Variants in UBE2E2 observed in about 807,000 individuals in gnomAD.
UBE2E2 encodes ubiquitin conjugating enzyme E2 E2.
UBE2E2 carries 6 observed loss-of-function variants against 24.7 expected under a neutral mutation model. That is an observed-to-expected ratio of 0.24 (90% confidence interval 0.13 to 0.48). The LOEUF (loss-of-function observed/expected upper bound fraction) is 0.48, where lower values mean the gene tolerates loss of function less well. Among genes scored for constraint, UBE2E2 ranks in the 20% least tolerant of loss-of-function variants. UBE2E2 has a pLI of 0.99. For synonymous variants in UBE2E2, 104 were observed against 83.6 expected (o/e 1.24, Z -1.33); for missense variants, 169 against 245.0 (o/e 0.69, Z 2.07).
Position 23,353,352 on chromosome 3 carries a change from TC to T in UBE2E2, c.227+136042del, listed in dbSNP as rs1218497389. ...AGACAGGGATGCCCTCTCTCACCAC[TC>T]CTATTCAACATAGTGTTGGAAGTTC... On this transcript the variant is annotated intron_variant, in intron 3 of 5. Transcript: ENST00000396703. 2.5e-4 allele frequency among the ~76,000 whole-genome samples: 38 copies of T among 151,960 alleles called. 1 individual carries two copies. The highest frequency in any genetic ancestry group is 8.7e-4 in the African/African-American group (36 of 41,394).
intron 3 of UBE2E2, among the ~76,000 whole-genome samples, chr3:23,441,332 G>T (rs2125408156): frequency 6.7e-6 from 1 of 148,380 alleles, no homozygotes. Flanking sequence ...AGACCGTCCT[G>T]GCTAACACAG....
intron 3 of UBE2E2, among the ~76,000 whole-genome samples, chr3:23,347,226 T>C (rs943294251): frequency 6.6e-6 from 1 of 152,220 alleles, no homozygotes; most frequent in African/African-American, 2.4e-5. Flanking sequence ...GGATTATAAA[T>C]CATGCTGCTA....
chr3:23,225,141 C>T (rs1026325119), intron 3 of UBE2E2, among the ~76,000 whole-genome samples: 4 of 151,326 alleles, frequency 2.6e-5, no homozygotes, highest in African/African-American at 4.9e-5. Flanking sequence ...AATGACTTGT[C>T]GTTTTATTGT....
intron 3 of UBE2E2, among the ~76,000 whole-genome samples, chr3:23,298,535 A>T (rs527594915): frequency 2.0e-5 from 3 of 150,978 alleles, no homozygotes; most frequent in African/African-American, 7.3e-5. Context: ...TTCTGCATCT[A>T]TTGAGATAAT....
intron 3 of UBE2E2, among the ~76,000 whole-genome samples, chr3:23,410,868 TG>T (rs1184067664): frequency 6.6e-6 from 1 of 152,168 alleles, no homozygotes; most frequent in Non-Finnish European, 1.5e-5. Flanking sequence ...CAAATGGGCA[TG>T]GGAGAAGATG....
intron 3 of UBE2E2, among the ~76,000 whole-genome samples, chr3:23,345,547 A>G (rs1484518590): frequency 6.6e-6 from 1 of 152,212 alleles, no homozygotes; most frequent in Non-Finnish European, 1.5e-5. Flanking sequence ...TTAAGAAGGA[A>G]CTTGAACTTT....
chr3:23,336,683 G>T (rs1012885778), intron 3 of UBE2E2, among the ~76,000 whole-genome samples: 1 of 152,210 alleles, frequency 6.6e-6, no homozygotes, highest in African/African-American at 2.4e-5. Flanking sequence ...ATAAGTGATA[G>T]TTAACGAAAT....
At chr3:23,359,872 T>G (rs745560988) in intron 3 of UBE2E2, among the ~76,000 whole-genome samples, 1 of 152,138 alleles carries the variant, frequency 6.6e-6, no homozygotes, top group South Asian at 2.1e-4. Context: ...GAATGAAATA[T>G]GAACTAGCTT....
chr3:23,457,723 C>G (rs1263684972), intron 3 of UBE2E2, among the ~76,000 whole-genome samples: 3 of 152,162 alleles, frequency 2.0e-5, no homozygotes, highest in African/African-American at 7.2e-5. Context: ...CCTGTGTTGC[C>G]CAGGCTGGTC....
intron 5 of UBE2E2, among the ~76,000 whole-genome samples, chr3:23,569,658 A>T (rs1696177492): frequency 6.6e-6 from 1 of 152,196 alleles, no homozygotes; most frequent in Admixed American, 6.6e-5. Context: ...CTGAGATTTC[A>T]TTAAAAATTA....
intron 3 of UBE2E2, among the ~76,000 whole-genome samples, chr3:23,458,660 G>A (rs149285329): frequency 0.03 from 4,487 of 152,010 alleles, 121 homozygotes; most frequent in East Asian, 0.14. Context: ...CTCGTGATCC[G>A]CCCACCTCGG....
intron 3 of UBE2E2, among the ~76,000 whole-genome samples, chr3:23,482,353 G>C (rs1022592678): frequency 6.6e-6 from 1 of 152,030 alleles, no homozygotes; most frequent in African/African-American, 2.4e-5. Flanking sequence ...GTAAACTTGC[G>C]TCTTCTGTTT....
At chr3:23,262,166 C>G (rs1164633200) in intron 3 of UBE2E2, among the ~76,000 whole-genome samples, 2 of 152,156 alleles carry the variant, frequency 1.3e-5, no homozygotes, top group Non-Finnish European at 2.9e-5. Context: ...CATCCAGTAT[C>G]TCTTTATGGT....
chr3:23,471,478 T>A (rs1337675934), intron 3 of UBE2E2, among the ~76,000 whole-genome samples: 1 of 152,128 alleles, frequency 6.6e-6, no homozygotes, highest in Non-Finnish European at 1.5e-5. Context: ...GGTTGATGGG[T>A]CCTGAGAAGA....
At chr3:23,237,545 A>G (rs1697145275) in intron 3 of UBE2E2, among the ~76,000 whole-genome samples, 1 of 152,174 alleles carries the variant, frequency 6.6e-6, no homozygotes, top group Non-Finnish European at 1.5e-5. Context: ...TAGAAAATTC[A>G]CTTGGAGATC....
At chr3:23,502,792 T>A (rs980170342) in intron 4 of UBE2E2, among the ~76,000 whole-genome samples, 30 of 152,354 alleles carry the variant, frequency 2.0e-4, no homozygotes, top group Admixed American at 1.8e-3. Context: ...GTACAATTTT[T>A]AGTACATTGA....
intron 5 of UBE2E2, among the ~76,000 whole-genome samples, chr3:23,535,198 C>G (rs1263018298): frequency 6.6e-6 from 1 of 152,144 alleles, no homozygotes; most frequent in Non-Finnish European, 1.5e-5. Context: ...GGATTAGTAC[C>G]AGCCCTGCCT....
At chr3:23,468,238 T>C (rs1262716720) in intron 3 of UBE2E2, among the ~76,000 whole-genome samples, 1 of 152,210 alleles carries the variant, frequency 6.6e-6, no homozygotes, top group African/African-American at 2.4e-5. Context: ...TATTTCAGTC[T>C]TTACTGTTGT....
chr3:23,435,891 A>T (rs1399641056), intron 3 of UBE2E2, among the ~76,000 whole-genome samples: 1 of 152,122 alleles, frequency 6.6e-6, no homozygotes, highest in Non-Finnish European at 1.5e-5. Flanking sequence ...GAAGACAGTT[A>T]TTCCACGGCA....
Sources: gnomAD v4.1 joint callset for allele counts (sites outside exome capture counted in the v4.1 genomes callset) on GRCh38, gnomAD v4.1.1 for gene constraint, MANE v1.5 for transcripts, NCBI Gene and HGNC (gene_info 2026-07-23, HGNC 2026-07-21) for gene names.